Variants in RIPOR2 observed in about 807,000 individuals in gnomAD.
RIPOR2 encodes the protein RHO family interacting cell polarization regulator 2, also known as rho family-interacting cell polarization regulator 2.
A neutral mutation model predicts 114.5 loss-of-function variants in RIPOR2; 39 were observed. The ratio of observed to expected loss-of-function variants is 0.34; its 90% CI spans 0.26 to 0.44. The LOEUF (loss-of-function observed/expected upper bound fraction) is 0.44, where lower values mean the gene tolerates loss of function less well. Ranked by LOEUF, RIPOR2 falls within the 20% of genes least tolerant of loss-of-function variation. The pLI, the probability that RIPOR2 is intolerant of heterozygous loss-of-function variation, is 1.00. For missense variants in RIPOR2, 1,007 were observed against 1,255.1 expected, an observed-to-expected ratio of 0.80 and a Z score of 2.99; for synonymous variants, 445 against 484.4, an observed-to-expected ratio of 0.92 and a Z score of 1.07.
intron 1 of RIPOR2, among the ~76,000 whole-genome samples, chr6:24,993,470 A>C (rs1184155138): frequency 6.6e-6 from 1 of 152,074 alleles, no homozygotes; most frequent in Non-Finnish European, 1.5e-5. Context: ...TAAGCCTATG[A>C]GTGTCATTAT....
At chr6:24,844,440 C>T (rs566998185) in intron 12 of RIPOR2, among the ~76,000 whole-genome samples, 16 of 151,774 alleles carry the variant, frequency 1.1e-4, no homozygotes, top group Non-Finnish European at 2.2e-4. Flanking sequence ...TTTTGAGTTA[C>T]TGAGATTAAC....
At chr6:25,002,170 C>T (rs562412567) in intron 1 of RIPOR2, among the ~76,000 whole-genome samples, 1 of 152,206 alleles carries the variant, frequency 6.6e-6, no homozygotes, top group African/African-American at 2.4e-5. Context: ...GTGTGCCAAC[C>T]TTTTCCTTAG....
intron 15 of RIPOR2, among the ~76,000 whole-genome samples, chr6:24,834,904 C>T: frequency 6.6e-6 from 1 of 152,190 alleles, no homozygotes; most frequent in East Asian, 1.9e-4. Flanking sequence ...GACTATGGGC[C>T]TGAGTCACTG....
chr6:24,900,171 G>A (rs761574246), intron 1 of RIPOR2, among the ~76,000 whole-genome samples: 2 of 152,320 alleles, frequency 1.3e-5, no homozygotes, highest in Non-Finnish European at 2.9e-5. Flanking sequence ...CTACAAACTG[G>A]CAGTTGCTGT....
chr6:24,840,220 A>C (rs1343414666), intron 13 of RIPOR2: 7 of 998,160 alleles, frequency 7.0e-6, no homozygotes, highest in African/African-American at 1.7e-5. Flanking sequence ...TTGGGATTAC[A>C]GGCATGAGCC....
chr6:24,901,689 T>C (rs1768453941), intron 1 of RIPOR2, among the ~76,000 whole-genome samples: 1 of 152,146 alleles, frequency 6.6e-6, no homozygotes, highest in African/African-American at 2.4e-5. Flanking sequence ...AGGCCATAGT[T>C]TGGTGATTGA....
At chr6:24,923,673 C>G (rs1648319451) in intron 1 of RIPOR2, among the ~76,000 whole-genome samples, 1 of 151,850 alleles carries the variant, frequency 6.6e-6, no homozygotes, top group South Asian at 2.1e-4. Flanking sequence ...GGTGAAATCC[C>G]CTCTCTACTA....
At chr6:24,971,545 A>C (rs2113546934) in intron 1 of RIPOR2, among the ~76,000 whole-genome samples, 1 of 152,366 alleles carries the variant, frequency 6.6e-6, no homozygotes, top group East Asian at 1.9e-4. Context: ...TTTTGGCACC[A>C]ATATTTTTCT....
chr6:24,941,220 G>C (rs35398163), intron 1 of RIPOR2, among the ~76,000 whole-genome samples: 1 of 152,018 alleles, frequency 6.6e-6, no homozygotes, highest in Non-Finnish European at 1.5e-5. Context: ...GTAATTGCCC[G>C]CTGAGGGAAT....
At chr6:24,902,487 G>C (rs1472153838) in intron 1 of RIPOR2, among the ~76,000 whole-genome samples, 5 of 152,102 alleles carry the variant, frequency 3.3e-5, no homozygotes, top group Non-Finnish European at 7.4e-5. Context: ...AAAGTGTAGG[G>C]ATTACACGCG....
At chr6:24,983,495 G>A (rs1348555824) in intron 1 of RIPOR2, among the ~76,000 whole-genome samples, 4 of 152,056 alleles carry the variant, frequency 2.6e-5, no homozygotes, top group East Asian at 1.9e-4. Flanking sequence ...GGTGGCTTAC[G>A]CCTGTAATCT....
chr6:24,883,102 C>A lies in RIPOR2; in HGVS notation c.62-7285G>T, dbSNP rs1234534569. ...CAATAGCTAGATGCTACTGTCTTAA[C>A]CCTTATGGTGTTTTCCTTTTTTAAA... On this transcript the variant is annotated intron_variant, in intron 1 of 21. Coordinates refer to ENST00000643898, the MANE Select transcript of RIPOR2 (RefSeq NM_001286445.3). The surrounding 1 kb of genome is among the most constrained non-coding windows in gnomAD (Gnocchi z 4.1). Among the ~76,000 whole-genome samples, 3 of 152,200 alleles carry A rather than the reference C, an allele frequency of 2.0e-5. No individual in the cohort carries two copies. The highest frequency in any genetic ancestry group is 3.8e-4 in the East Asian group (2 of 5,204).
Position 24,898,950 on chromosome 6 carries a change from G to GT in RIPOR2, c.62-23134dup, listed in dbSNP as rs10584291. ...TGTCTCAACTCAACATCAGGGAGTAGTTTTTTTTTTTTTTTTTTTCAGTAA... is the reference window on the plus strand; with the variant it reads ...TGTCTCAACTCAACATCAGGGAGTAGTTTTTTTTTTTTTTTTTTTTCAGTAA... On this transcript the variant is annotated intron_variant, in intron 1 of 21. Coordinates refer to ENST00000643898, the MANE Select transcript of RIPOR2 (RefSeq NM_001286445.3). 8.2e-3 allele frequency among the ~76,000 whole-genome samples: 1,046 copies of GT among 127,306 alleles called. 4 individuals carry two copies. Among genetic ancestry groups the GT allele is most frequent in the South Asian group, 0.03 (117 of 3,924 alleles). The allele number at this position is 127,306 out of a possible 152,430, so 83.5% of individuals were successfully genotyped here. A position where few individuals can be genotyped will look rare whatever the true frequency, so the allele number is the denominator to read the frequency against.
At chr6:24,873,866 C>T in intron 2 of RIPOR2, 67 bp from the exon 3 acceptor site, 2 of 1,330,798 alleles carry the variant, frequency 1.5e-6, no homozygotes, top group Non-Finnish European at 2.1e-6. Context: ...AGAAAAATGT[C>T]TTCTATTATT....
At chr6:24,973,366 G>T (rs1390159406) in intron 1 of RIPOR2, among the ~76,000 whole-genome samples, 1 of 152,132 alleles carries the variant, frequency 6.6e-6, no homozygotes, top group Non-Finnish European at 1.5e-5. Context: ...ACTTTGGGAG[G>T]CTGAGGCGGG....
chr6:24,895,077 G>C (rs1243624954), intron 1 of RIPOR2, among the ~76,000 whole-genome samples: 5 of 150,806 alleles, frequency 3.3e-5, no homozygotes, highest in African/African-American at 1.2e-4. Flanking sequence ...TTTTGAGACA[G>C]AGTCTCACTC....
At chr6:24,977,657 C>T (rs986358766) in intron 1 of RIPOR2, among the ~76,000 whole-genome samples, 5 of 152,136 alleles carry the variant, frequency 3.3e-5, no homozygotes, top group Admixed American at 3.3e-4. Flanking sequence ...CAGGTCCCGT[C>T]ACTGGCCCAT....
At chr6:24,835,020 A>G (rs750402469) in intron 15 of RIPOR2, among the ~76,000 whole-genome samples, 3 of 152,256 alleles carry the variant, frequency 2.0e-5, no homozygotes, top group Non-Finnish European at 4.4e-5. Flanking sequence ...CAACCAGGCA[A>G]GGAGAAAGCT....
chr6:24,988,428 C>A (rs1774633827), intron 1 of RIPOR2, among the ~76,000 whole-genome samples: 2 of 152,186 alleles, frequency 1.3e-5, no homozygotes, highest in Non-Finnish European at 2.9e-5. Context: ...CCCTCCTTGG[C>A]CTCCCAAAGT....
Sources: allele counts gnomAD v4.1 joint callset (sites outside exome capture counted in the v4.1 genomes callset), GRCh38; gene constraint gnomAD v4.1.1; non-coding constraint Gnocchi (gnomAD v3.1); transcripts MANE v1.5; gene names NCBI Gene and HGNC (gene_info 2026-07-23, HGNC 2026-07-21).